Variants in PTPRD observed in about 807,000 individuals in gnomAD.
PTPRD encodes the protein receptor-type tyrosine-protein phosphatase delta.
Under a neutral mutation model 214.5 loss-of-function variants are expected in PTPRD, and 34 were observed. The observed-to-expected ratio is 0.16, with a 90% CI of 0.12 to 0.21. The LOEUF is 0.21. PTPRD is among the 10% of genes least tolerant of loss of function. The pLI is 1.00. For synonymous variants in PTPRD, 1,128 were observed against 845.7 expected (o/e 1.33, Z -5.79); for missense variants, 2,545 against 2,398.7 (o/e 1.06, Z -1.27).
chr9:9,860,916 G>C (rs777637757), intron 5 of PTPRD, among the ~76,000 whole-genome samples: 30 of 152,126 alleles, frequency 2.0e-4, no homozygotes, highest in Non-Finnish European at 4.0e-4. Context: ...CTGAAAACTG[G>C]CAACTCTTAA....
At chr9:8,507,640 C>T (rs1446252461) in intron 21 of PTPRD, among the ~76,000 whole-genome samples, 1 of 151,192 alleles carries the variant, frequency 6.6e-6, no homozygotes. Flanking sequence ...AGTAGTAGAA[C>T]ATCTACACAA....
At chr9:9,689,860 C>T (rs770436123) in intron 7 of PTPRD, among the ~76,000 whole-genome samples, 1 of 151,872 alleles carries the variant, frequency 6.6e-6, no homozygotes, top group Non-Finnish European at 1.5e-5. Context: ...TGTATGTACA[C>T]ATTTTCGTTA....
At position 9,649,829 on chromosome 9, in the gene PTPRD, T is replaced by A. The variant is rs1285442617; in HGVS notation, c.-286-75048A>T. Among the ~76,000 whole-genome samples the A allele has an allele frequency of 2.6e-5, 4 of 152,340 alleles. No homozygotes were observed. The South Asian group carries it at 6.2e-4, about 24-fold the overall frequency. ...TAAGCTTTAACATTTAATAAAATAT[T>A]TTGAATTTTATTTTATAATTTATGC... On this transcript the variant is annotated intron_variant, in intron 7 of 45. Transcript: ENST00000381196.
intron 12 of PTPRD, among the ~76,000 whole-genome samples, chr9:8,644,647 A>G (rs962284384): frequency 1.3e-5 from 2 of 152,118 alleles, no homozygotes; most frequent in Non-Finnish European, 2.9e-5. Context: ...GTGCCACTGC[A>G]TTCACCAGTG....
chr9:9,485,987 C>G (rs1334659842), intron 8 of PTPRD, among the ~76,000 whole-genome samples: 1 of 151,606 alleles, frequency 6.6e-6, no homozygotes, highest in Non-Finnish European at 1.5e-5. Flanking sequence ...CTCTTTTCTA[C>G]TAAAAATACA....
chr9:8,328,315 GTCTTT>G (rs1836099201), intron 44 of PTPRD, among the ~76,000 whole-genome samples: 1 of 151,402 alleles, frequency 6.6e-6, no homozygotes, highest in South Asian at 2.1e-4. Context: ...GGGTTGAAAA[GTCTTT>G]TCTTTAGGAA....
At chr9:9,034,186 G>T (rs1451780032) in intron 10 of PTPRD, among the ~76,000 whole-genome samples, 11 of 152,096 alleles carry the variant, frequency 7.2e-5, no homozygotes, top group Admixed American at 7.2e-4. Flanking sequence ...ATTTACTCTG[G>T]CTTTTCTTCT....
At chr9:9,393,773 G>A (rs747423689) in intron 9 of PTPRD, among the ~76,000 whole-genome samples, 11 of 152,068 alleles carry the variant, frequency 7.2e-5, no homozygotes, top group African/African-American at 9.7e-5. Context: ...ACAAGGCTGC[G>A]GAATGGATTA....
At chr9:8,731,375 G>C (rs1156284417) in intron 12 of PTPRD, among the ~76,000 whole-genome samples, 2 of 152,014 alleles carry the variant, frequency 1.3e-5, no homozygotes, top group Non-Finnish European at 2.9e-5. Flanking sequence ...TGATCCTTTG[G>C]ATCAATACGA....
chr9:10,424,177 A>G (rs920261502), intron 2 of PTPRD, among the ~76,000 whole-genome samples: 1 of 151,974 alleles, frequency 6.6e-6, no homozygotes. Context: ...AAATAGATTA[A>G]CATTAGATGA....
intron 5 of PTPRD, among the ~76,000 whole-genome samples, chr9:9,775,097 G>A (rs1243582884): frequency 2.6e-5 from 4 of 152,130 alleles, no homozygotes; most frequent in Non-Finnish European, 5.9e-5. Flanking sequence ...AGAGTCGAAT[G>A]CTCCATTATC....
chr9:10,163,228 T>A (rs182754627), intron 3 of PTPRD, among the ~76,000 whole-genome samples: 48 of 151,522 alleles, frequency 3.2e-4, no homozygotes, highest in African/African-American at 1.1e-3. Context: ...AAATTTCTCA[T>A]GGAGGCCAGT....
chr9:9,318,831 G>C (rs968100859), intron 9 of PTPRD, among the ~76,000 whole-genome samples: 1 of 152,092 alleles, frequency 6.6e-6, no homozygotes, highest in Admixed American at 6.6e-5. Context: ...CCTTGTTGAC[G>C]TTCAAATGCA....
intron 10 of PTPRD, among the ~76,000 whole-genome samples, chr9:9,175,071 C>A (rs1229774258): frequency 6.6e-6 from 1 of 152,106 alleles, no homozygotes; most frequent in African/African-American, 2.4e-5. Flanking sequence ...AATGATCCCT[C>A]ACCAGACACC....
At chr9:8,718,997 T>C (rs961471132) in intron 12 of PTPRD, among the ~76,000 whole-genome samples, 1 of 152,200 alleles carries the variant, frequency 6.6e-6, no homozygotes, top group Non-Finnish European at 1.5e-5. Context: ...AAATTCACCA[T>C]GACTTTTGTG....
intron 14 of PTPRD, among the ~76,000 whole-genome samples, chr9:8,529,190 A>C (rs1208787254): frequency 2.6e-5 from 4 of 152,098 alleles, no homozygotes; most frequent in African/African-American, 9.7e-5. Flanking sequence ...GAATGTCACA[A>C]GTGTAGGCAT....
intron 11 of PTPRD, chr9:8,858,113 TTCC>T: frequency 2.5e-5 from 4 of 163,218 alleles, no homozygotes; most frequent in Non-Finnish European, 5.3e-5. Context: ...CCTCCTCCTC[TTCC>T]TCCTCCTCCC....
intron 10 of PTPRD, among the ~76,000 whole-genome samples, chr9:9,109,319 G>A (rs981926147): frequency 6.6e-6 from 1 of 152,112 alleles, no homozygotes; most frequent in Non-Finnish European, 1.5e-5. Flanking sequence ...TAAGGAGAAG[G>A]GAAATCTGGG....
intron 7 of PTPRD, among the ~76,000 whole-genome samples, chr9:9,649,066 G>A (rs1358699775): frequency 6.6e-6 from 1 of 152,112 alleles, no homozygotes; most frequent in Non-Finnish European, 1.5e-5. Flanking sequence ...CAGGGGAATT[G>A]GGCGAGAGTT....
Sources: gnomAD v4.1 joint callset for allele counts (sites outside exome capture counted in the v4.1 genomes callset) on GRCh38, gnomAD v4.1.1 for gene constraint, MANE v1.5 for transcripts, NCBI Gene and HGNC (gene_info 2026-07-23, HGNC 2026-07-21) for gene names.